C5AR2: variants seen among roughly 807,000 people sequenced by gnomAD.
C5AR2 encodes complement C5a receptor 2.
For synonymous variants in C5AR2, 224 were observed against 216.5 expected, an observed-to-expected ratio of 1.03 and a Z score of -0.30; for missense variants, 458 against 467.5, an observed-to-expected ratio of 0.98 and a Z score of 0.19.
intron 1 of C5AR2, among the ~76,000 whole-genome samples, chr19:47,337,532 G>A (rs1195424364): frequency 1.3e-5 from 2 of 151,760 alleles, no homozygotes; most frequent in Non-Finnish European, 2.9e-5. Flanking sequence ...CATGGTGGCG[G>A]GTGCCTGTAG....
chr19:47,341,579 C>T lies in C5AR2; in HGVS notation c.780C>T (p.Ala260=), dbSNP rs1969034116. Reference sequence around the variant, plus strand: ...TGGGGCTGGTGCTCACTGTGGCGGCCCCGAACTCCGCACTCCTGGCCAGGG... The same window carrying T: ...TGGGGCTGGTGCTCACTGTGGCGGCTCCGAACTCCGCACTCCTGGCCAGGG... ...HLLGLVLTVA[A]PNSALLARAL... The change falls in exon 2 of 2, where the codon GCC becomes GCT. Residue 260 remains alanine, a synonymous_variant. Coordinates refer to ENST00000595464, the MANE Select transcript of C5AR2 (RefSeq NM_001271749.2). The surrounding 1 kb of genome is among the most constrained non-coding windows in gnomAD (Gnocchi z 4.6). The T allele has an allele frequency of 1.2e-6, 2 of 1,613,706 alleles. No homozygotes were observed. The highest frequency in any genetic ancestry group is 1.7e-6 in the Non-Finnish European group (2 of 1,179,920).
chr19:47,334,811 C>T (rs1010300767), intron 1 of C5AR2, among the ~76,000 whole-genome samples: 6 of 151,878 alleles, frequency 4.0e-5, no homozygotes, highest in South Asian at 2.1e-4. Context: ...CTTGACCTCA[C>T]GGGCGTAGCC....
chr19:47,336,223 G>A (rs1235211256), intron 1 of C5AR2, among the ~76,000 whole-genome samples: 3 of 151,882 alleles, frequency 2.0e-5, no homozygotes, highest in Admixed American at 6.6e-5. Context: ...CCGAGTAGCT[G>A]GAATTACAGG....
chr19:47,341,218 C>A lies in C5AR2; in HGVS notation c.419C>A (p.Ala140Asp). ...ADLCFLALGP[A>D]WWSTVQRACG... The stretch of plus-strand genomic sequence containing the variant: ...CTCTGCTTCCTGGCTCTCGGGCCTG[C>A]CTGGTGGTCTACGGTTCAGCGGGCG... The change falls in exon 2 of 2, where the codon GCC (alanine) becomes GAC (aspartate). Residue 140 changes from alanine (A) to aspartate (D), a missense_variant. Transcript: ENST00000595464. The surrounding 1 kb of genome is among the most constrained non-coding windows in gnomAD (Gnocchi z 4.6). 1 of 1,601,584 alleles carries A rather than the reference C, an allele frequency of 6.2e-7. No homozygotes were observed. The highest frequency in any genetic ancestry group is 8.5e-7 in the Non-Finnish European group (1 of 1,179,888).
chr19:47,334,529 A>G (rs1361127080), intron 1 of C5AR2, among the ~76,000 whole-genome samples: 1 of 151,842 alleles, frequency 6.6e-6, no homozygotes, highest in East Asian at 1.9e-4. Context: ...GCTACTCCAG[A>G]GGCTGAGGCA....
At position 47,341,914 on chromosome 19, in the gene C5AR2, C is replaced by T. The variant is rs1412796388; in HGVS notation, c.*101C>T. On this transcript the variant is annotated 3_prime_UTR_variant, in exon 2 of 2. Transcript: ENST00000595464. The surrounding 1 kb of genome is among the most constrained non-coding windows in gnomAD (Gnocchi z 4.6). ...AGCTCAATGATGTCTTCATTTTATT[C>T]CTTCCTTCATTCAACAGATATCCAT... 10 of 1,125,792 alleles carry T rather than the reference C, an allele frequency of 8.9e-6. 1 individual carries two copies. The highest frequency in any genetic ancestry group is 2.4e-5 in the East Asian group (1 of 41,522). 69.7% of individuals were successfully genotyped at this position (1,125,792 alleles called of 1,614,324 possible).
At chr19:47,339,436 G>A (rs182678308) in intron 1 of C5AR2, among the ~76,000 whole-genome samples, 10 of 152,112 alleles carry the variant, frequency 6.6e-5, no homozygotes, top group Admixed American at 2.0e-4. Flanking sequence ...TCCTGCCTCA[G>A]CCTCCTGAGT....
chr19:47,343,089 G>C lies in C5AR2; in HGVS notation c.*1276G>C, dbSNP rs1437210188. ...AAGGGGTGGTTATCCTGGATTGTCT[G>C]GGTGGGCTCAATGGAGTCACGAGGG... On this transcript the variant is annotated 3_prime_UTR_variant, in exon 2 of 2. Coordinates refer to ENST00000595464, the MANE Select transcript of C5AR2 (RefSeq NM_001271749.2). 6.6e-6 allele frequency: 1 copy of C among 152,184 alleles called. No individual in the cohort carries two copies. Among genetic ancestry groups the C allele is most frequent in the Non-Finnish European group, 1.5e-5 (1 of 68,044 alleles). 9.4% of individuals were successfully genotyped at this position (152,184 alleles called of 1,614,324 possible). A position where few individuals can be genotyped will look rare whatever the true frequency, so the allele number is the denominator to read the frequency against.
rs2910426 is a variant in C5AR2, at chr19:47,344,335, G to A, written c.*2522G>A. 43,262 of 151,882 alleles carry A rather than the reference G, an allele frequency of 0.28. 6,673 individuals carry two copies. The highest frequency in any genetic ancestry group is 0.43 in the Middle Eastern group (125 of 294). The allele number at this position is 151,882 out of a possible 1,614,324, so 9.4% of individuals were successfully genotyped here. On this transcript the variant is annotated 3_prime_UTR_variant, in exon 2 of 2. Transcript: ENST00000595464. ...GCACTCTAGCCTAGGTGACGGAGCG[G>A]GACCCTGCCGCTAAATAAATAAATA...
chr19:47,332,917 C>T (rs1207631999), intron 1 of C5AR2, among the ~76,000 whole-genome samples: 1 of 152,166 alleles, frequency 6.6e-6, no homozygotes, highest in Non-Finnish European at 1.5e-5. Context: ...GGAATTCCTG[C>T]AGCTTTCGGC....
intron 1 of C5AR2, among the ~76,000 whole-genome samples, chr19:47,339,632 A>G (rs769312755): frequency 9.2e-5 from 14 of 151,926 alleles, no homozygotes; most frequent in Non-Finnish European, 2.1e-4. Context: ...TGACTCTGCT[A>G]TTGCCTCTCA....
In C5AR2 at chr19:47,342,433, A is replaced by G. The variant is rs1969056146; in HGVS notation, c.*620A>G. ...AGTCTCGCTCTGTCGCCCAGGCTGG[A>G]GTGCAGTGGCACAATCTCGGCTCAC... On this transcript the variant is annotated 3_prime_UTR_variant, in exon 2 of 2. Coordinates refer to ENST00000595464, the MANE Select transcript of C5AR2 (RefSeq NM_001271749.2). 1 of 148,138 alleles carries G rather than the reference A, an allele frequency of 6.8e-6. No individual in the cohort carries two copies. The highest frequency in any genetic ancestry group is 2.4e-5 in the African/African-American group (1 of 40,890). The allele number at this position is 148,138 out of a possible 1,614,324, so 9.2% of individuals were successfully genotyped here.
intron 1 of C5AR2, among the ~76,000 whole-genome samples, chr19:47,337,799 G>A (rs770199620): frequency 6.6e-6 from 1 of 151,968 alleles, no homozygotes; most frequent in Non-Finnish European, 1.5e-5. Context: ...GGTCAGGCAC[G>A]GTGGCTCATG....
intron 1 of C5AR2, 86 bp from the exon 2 acceptor site, chr19:47,340,699 G>A: frequency 8.0e-7 from 1 of 1,248,644 alleles, no homozygotes; most frequent in South Asian, 1.2e-5. Flanking sequence ...GCAAGGTGCT[G>A]GTGGGCCGGG....
At chr19:47,338,954 C>T (rs1410713765) in intron 1 of C5AR2, among the ~76,000 whole-genome samples, 1 of 151,786 alleles carries the variant, frequency 6.6e-6, no homozygotes. Flanking sequence ...AGGAGTTCGA[C>T]ACCAGCCTGG....
chr19:47,341,675 G>A lies in C5AR2; in HGVS notation c.876G>A (p.Leu292=). Residue 292 remains leucine (L), a synonymous_variant, in exon 2 of 2, where the codon CTG becomes CTA. Coordinates refer to ENST00000595464, the MANE Select transcript of C5AR2 (RefSeq NM_001271749.2). This position sits in a 1 kb window ranked among gnomAD's most constrained non-coding sequence, Gnocchi z 4.6. The part of the protein sequence containing the change: ...AHSCLNPMLF[L]YFGRAQLRRS... ...GCTGCCTCAATCCCATGCTCTTCCTGTATTTTGGGAGGGCTCAACTCCGCC... is the reference window on the plus strand; with the variant it reads ...GCTGCCTCAATCCCATGCTCTTCCTATATTTTGGGAGGGCTCAACTCCGCC... The A allele has an allele frequency of 1.9e-6, 3 of 1,614,076 alleles. No homozygotes were observed. The highest frequency in any genetic ancestry group is 1.1e-5 in the South Asian group (1 of 91,078).
At position 47,347,036 on chromosome 19, in the gene C5AR2, CTG is replaced by C. The variant is rs1249656584; in HGVS notation, c.*5226_*5227del. The C allele has an allele frequency of 6.6e-6, 1 of 152,150 alleles. No individual in the cohort carries two copies. The highest frequency in any genetic ancestry group is 2.4e-5 in the African/African-American group (1 of 41,430). 9.4% of individuals were successfully genotyped at this position (152,150 alleles called of 1,614,324 possible). A position where few individuals can be genotyped will look rare whatever the true frequency, so the allele number is the denominator to read the frequency against. ...TTCACGGGAATTTTCAAATTTAAGT[CTG>C]TGCAATGTTACATAAAATACCTTTG... On this transcript the variant is annotated 3_prime_UTR_variant, in exon 2 of 2. Transcript: ENST00000595464.
At position 47,346,973 on chromosome 19, in the gene C5AR2, G is replaced by A. The variant is rs995595919; in HGVS notation, c.*5160G>A. ...GTGGTTTTTGAAATGTTTTCATTTT[G>A]TAGATCATTAGCCCTTCTTTTTTGA... On this transcript the variant is annotated 3_prime_UTR_variant, in exon 2 of 2. Transcript: ENST00000595464. The A allele has an allele frequency of 5.3e-5, 8 of 152,138 alleles. No homozygotes were observed. Among genetic ancestry groups the A allele is most frequent in the Non-Finnish European group, 1.2e-4 (8 of 68,010 alleles). The allele number at this position is 152,138 out of a possible 1,614,324, so 9.4% of individuals were successfully genotyped here. A position where few individuals can be genotyped will look rare whatever the true frequency, so the allele number is the denominator to read the frequency against.
At chr19:47,339,215 G>A (rs1016076984) in intron 1 of C5AR2, among the ~76,000 whole-genome samples, 1 of 152,066 alleles carries the variant, frequency 6.6e-6, no homozygotes, top group East Asian at 1.9e-4. Flanking sequence ...CCCTCCTATA[G>A]CACCTGTCTC....
Sources: allele counts gnomAD v4.1 joint callset (sites outside exome capture counted in the v4.1 genomes callset), GRCh38; gene constraint gnomAD v4.1.1; non-coding constraint Gnocchi (gnomAD v3.1); transcripts MANE v1.5; gene names NCBI Gene and HGNC (gene_info 2026-07-23, HGNC 2026-07-21).